USH2A: variants seen among roughly 807,000 people sequenced by gnomAD.
USH2A encodes the protein usherin.
In USH2A, 443 loss-of-function variants were observed where a neutral mutation model predicts 538.9. The ratio of observed to expected loss-of-function variants is 0.82; its 90% CI spans 0.76 to 0.89. The LOEUF is 0.89. Ranked by LOEUF, USH2A falls within the 40% of genes least tolerant of loss-of-function variation. USH2A has a pLI of 0.00. For synonymous variants in USH2A, 2,413 were observed against 2,273.5 expected (o/e 1.06, Z -1.75); for missense variants, 6,633 against 6,324.8 (o/e 1.05, Z -1.65).
At chr1:216,289,241 C>T in intron 11 of USH2A, 39 bp downstream of exon 11, 1 of 1,613,314 alleles carries the variant, frequency 6.2e-7, no homozygotes, top group Non-Finnish European at 8.5e-7. Flanking sequence ...TTCTGGCAGA[C>T]AGAGTAATCC....
intron 46 of USH2A, among the ~76,000 whole-genome samples, chr1:215,842,262 C>G (rs1663700974): frequency 6.6e-6 from 1 of 152,168 alleles, no homozygotes; most frequent in African/African-American, 2.4e-5. Context: ...AGTGAGATAC[C>G]ATTTCATGCC....
intron 38 of USH2A, among the ~76,000 whole-genome samples, chr1:215,933,760 G>A (rs765421009): frequency 1.5e-4 from 23 of 152,040 alleles, no homozygotes; most frequent in Admixed American, 3.9e-4. Context: ...ACTCATTCCT[G>A]GGAGATGGGC....
At chr1:215,626,239 A>G (rs577446342) in intron 71 of USH2A, among the ~76,000 whole-genome samples, 54 of 150,096 alleles carry the variant, frequency 3.6e-4, no homozygotes, top group Middle Eastern at 3.6e-3. Context: ...TTTTTAGTAT[A>G]TATATACACA....
intron 21 of USH2A, among the ~76,000 whole-genome samples, chr1:216,115,911 T>C (rs188608750): frequency 1.3e-5 from 2 of 151,974 alleles, no homozygotes; most frequent in Non-Finnish European, 2.9e-5. Context: ...GCATGCATTT[T>C]TGTTTTTTTG....
At chr1:215,701,311 C>A (rs1344872327) in intron 61 of USH2A, among the ~76,000 whole-genome samples, 5 of 152,096 alleles carry the variant, frequency 3.3e-5, no homozygotes, top group Admixed American at 1.3e-4. Context: ...CTGTAGATGT[C>A]TATTAGGTCT....
chr1:216,279,762 G>A (rs1178977680), intron 11 of USH2A, among the ~76,000 whole-genome samples: 1 of 152,082 alleles, frequency 6.6e-6, no homozygotes. Context: ...GAAGGTAGCA[G>A]GGATGAAAAA....
chr1:215,640,042 G>C (rs1656623052), intron 68 of USH2A, among the ~76,000 whole-genome samples: 1 of 152,146 alleles, frequency 6.6e-6, no homozygotes. Context: ...GGACATGTAA[G>C]TAAACAGGAA....
At chr1:215,939,561 A>G (rs1666583969) in intron 37 of USH2A, among the ~76,000 whole-genome samples, 1 of 152,146 alleles carries the variant, frequency 6.6e-6, no homozygotes, top group Admixed American at 6.6e-5. Flanking sequence ...TTTGTTGAAT[A>G]GTAGAAAATC....
chr1:215,789,935 T>C, intron 51 of USH2A, 124 bp downstream of exon 51: 1 of 855,202 alleles, frequency 1.2e-6, no homozygotes, highest in Non-Finnish European at 1.9e-6. Context: ...AATATGGATG[T>C]AATGTGAAAA....
At chr1:215,933,636 T>C (rs968240460) in intron 38 of USH2A, among the ~76,000 whole-genome samples, 3 of 151,946 alleles carry the variant, frequency 2.0e-5, no homozygotes, top group African/African-American at 7.2e-5. Flanking sequence ...CTTTTATTTT[T>C]CTCCAGTGAT....
chr1:215,951,869 A>AT (rs1571840809), intron 37 of USH2A, among the ~76,000 whole-genome samples: 2 of 146,450 alleles, frequency 1.4e-5, no homozygotes, highest in South Asian at 2.2e-4. Context: ...TATTTTTTTT[A>AT]TTTTTTGAGA....
intron 47 of USH2A, among the ~76,000 whole-genome samples, chr1:215,820,795 G>A (rs188439383): frequency 6.6e-6 from 1 of 151,544 alleles, no homozygotes; most frequent in African/African-American, 2.4e-5. Context: ...CTACCTTCAT[G>A]AGGTTCACTT....
chr1:216,002,200 G>A (rs1356545290), intron 32 of USH2A, among the ~76,000 whole-genome samples: 4 of 152,242 alleles, frequency 2.6e-5, no homozygotes, highest in Non-Finnish European at 4.4e-5. Context: ...AGATGCTACC[G>A]AGAGAGTAGA....
chr1:215,732,208 T>C lies in USH2A; in HGVS notation c.11712-3824A>G, dbSNP rs556015110. Among the ~76,000 whole-genome samples, 251 of 152,282 alleles carry C rather than the reference T, an allele frequency of 1.6e-3. 2 individuals are homozygous for C. The highest frequency in any genetic ancestry group is 2.3e-3 in the Non-Finnish European group (155 of 68,022). The stretch of plus-strand genomic sequence containing the variant: ...AAACACAGGTGATTTACAAAATGAT[T>C]TGTGAAGGTTGAATCGTCAAGTTTT... On this transcript the variant is annotated intron_variant, in intron 60 of 71. Coordinates refer to ENST00000307340, the MANE Select transcript of USH2A (RefSeq NM_206933.4).
At chr1:216,253,963 T>C (rs1317315680) in intron 11 of USH2A, among the ~76,000 whole-genome samples, 4 of 152,218 alleles carry the variant, frequency 2.6e-5, no homozygotes, top group Non-Finnish European at 5.9e-5. Flanking sequence ...GCATATTCAC[T>C]TTTTTCTATA....
At chr1:216,035,394 C>A (rs1024984978) in intron 32 of USH2A, among the ~76,000 whole-genome samples, 1 of 152,062 alleles carries the variant, frequency 6.6e-6, no homozygotes, top group Non-Finnish European at 1.5e-5. Context: ...TCAAGAAATG[C>A]CAAATATCGC....
At chr1:216,382,970 T>C (rs6665560) in intron 3 of USH2A, among the ~76,000 whole-genome samples, 17,978 of 152,046 alleles carry the variant, frequency 0.12, 3,143 homozygotes, top group African/African-American at 0.38. Context: ...GGATTAAAAA[T>C]ATGACCTGAA....
chr1:215,712,625 C>A (rs915250008), intron 61 of USH2A, among the ~76,000 whole-genome samples: 2 of 151,960 alleles, frequency 1.3e-5, no homozygotes, highest in Non-Finnish European at 2.9e-5. Context: ...TCTTGGCTGG[C>A]CTTGTCTTTT....
At chr1:216,394,187 C>G (rs2039162192) in intron 3 of USH2A, among the ~76,000 whole-genome samples, 1 of 152,084 alleles carries the variant, frequency 6.6e-6, no homozygotes, top group Non-Finnish European at 1.5e-5. Flanking sequence ...CAAGTGCTGG[C>G]CAGGATGCAA....
Sources: allele counts gnomAD v4.1 joint callset (sites outside exome capture counted in the v4.1 genomes callset), GRCh38; gene constraint gnomAD v4.1.1; transcripts MANE v1.5; gene names NCBI Gene and HGNC (gene_info 2026-07-23, HGNC 2026-07-21).